The following PRCD variants were observed in gnomAD, a reference collection of about 807,000 sequenced individuals.
The protein encoded by PRCD is photoreceptor disk component PRCD.
Under a neutral mutation model 10.1 loss-of-function variants are expected in PRCD, and 12 were observed. That is an observed-to-expected ratio of 1.18 (90% confidence interval 0.76 to 1.92). PRCD has a LOEUF of 1.92. PRCD is among the 40% of genes most tolerant of loss of function. PRCD has a pLI of 0.00. For synonymous variants in PRCD, 31 were observed against 26.2 expected, an observed-to-expected ratio of 1.18 and a Z score of -0.56; for missense variants, 61 against 72.2, an observed-to-expected ratio of 0.84 and a Z score of 0.56.
rs1417215358 is a variant in PRCD, at chr17:76,530,909, T to C, written n.45+3076T>C. 38 of 1,478,048 alleles carry C rather than the reference T, an allele frequency of 2.6e-5. No individual in the cohort carries two copies. Among genetic ancestry groups the C allele is most frequent in the Non-Finnish European group, 3.4e-5 (38 of 1,104,730 alleles). 91.6% of individuals were successfully genotyped at this position (1,478,048 alleles called of 1,614,324 possible). A position where few individuals can be genotyped will look rare whatever the true frequency, so the allele number is the denominator to read the frequency against. On this transcript the variant is annotated intron_variant and non_coding_transcript_variant, in intron 1 of 4. Coordinates refer to the PRCD transcript ENST00000397633. The surrounding 1 kb of genome is among the most constrained non-coding windows in gnomAD (Gnocchi z 6.1). The stretch of plus-strand genomic sequence containing the variant: ...ATCAGCCCCAGGGCCTCAGGAGATA[T>C]GGGAGACCTCGGGGACAGCAGAGGA...
At chr17:76,542,994 G>C in intron 3 of PRCD, 35 bp from the exon 4 acceptor site, 1 of 487,874 alleles carries the variant, frequency 2.0e-6, no homozygotes, top group Non-Finnish European at 4.2e-6. Flanking sequence ...CCAGGTGTGG[G>C]AGAAGTGCTG....
downstream of PRCD, chr17:76,547,176 G>C (rs2075060502): frequency 1.3e-5 from 2 of 152,330 alleles, no homozygotes; most frequent in Non-Finnish European, 2.9e-5. Context: ...AGGTGAGGGG[G>C]AGAGGAGAGC....
At chr17:76,529,197 G>C (rs2074803798) in intron 1 of PRCD, 1 of 985,296 alleles carries the variant, frequency 1.0e-6, no homozygotes, top group African/African-American at 1.7e-5. Context: ...TCCTACCCTC[G>C]AGCCCATGGG....
At chr17:76,547,650 CACA>C (rs2075064846), downstream of PRCD, among the ~76,000 whole-genome samples, 1 of 151,378 alleles carries the variant, frequency 6.6e-6, no homozygotes, top group Non-Finnish European at 1.5e-5. Context: ...CATTCACACA[CACA>C]CACACACACA....
Position 76,542,912 on chromosome 17 carries a change from G to A in PRCD, c.*60-117G>A, listed in dbSNP as rs372370985. On this transcript the variant is annotated intron_variant, in intron 3 of 4. Transcript: ENST00000592014. ...GCGAGGTGGTCGTGCTGGGGCATGA[G>A]GGCAGTGTCGGAGGACGCCCAAGGG... is the stretch of plus-strand genomic sequence containing the variant. The A allele has an allele frequency of 1.9e-5, 11 of 577,968 alleles. 1 individual carries two copies. The highest frequency in any genetic ancestry group is 1.6e-4 in the East Asian group (4 of 25,072). 35.8% of individuals were successfully genotyped at this position (577,968 alleles called of 1,614,324 possible).
upstream of PRCD, chr17:76,537,505 C>G (rs2074932250): frequency 6.3e-7 from 1 of 1,578,824 alleles, no homozygotes; most frequent in Non-Finnish European, 8.6e-7. Context: ...GCTCCGCTCC[C>G]TGCGCTCGAT....
At chr17:76,546,471 T>TGTGTGCGC (rs753998867), downstream of PRCD, 1 of 151,082 alleles carries the variant, frequency 6.6e-6, no homozygotes, top group African/African-American at 2.5e-5. The surrounding 1 kb of genome is among the most constrained non-coding windows in gnomAD (Gnocchi z 4.5). Flanking sequence ...TGTGTGTGTG[T>TGTGTGCGC]GCGCGCAGTC....
Position 76,544,501 on chromosome 17 carries a change from T to G in PRCD, c.*851T>G. ...TGGGGTGTGTGCGAAGGCAGTTCTG[T>G]GGGAGCCTCTCAAAGTAGGGCAGGC... On this transcript the variant is annotated 3_prime_UTR_variant, in exon 5 of 5. Coordinates refer to ENST00000592014, the MANE Select transcript of PRCD (RefSeq NM_001077620.3). 2.2e-6 allele frequency: 1 copy of G among 456,204 alleles called. No homozygotes were observed. The highest frequency in any genetic ancestry group is 4.4e-6 in the Non-Finnish European group (1 of 226,980). The allele number at this position is 456,204 out of a possible 1,614,324, so 28.3% of individuals were successfully genotyped here.
Position 76,530,142 on chromosome 17 carries a change from G to GAATGTTTC in PRCD, n.45+2309_45+2310insAATGTTTC. On this transcript the variant is annotated intron_variant and non_coding_transcript_variant, in intron 1 of 4. Transcript: ENST00000397633. This position sits in a 1 kb window ranked among gnomAD's most constrained non-coding sequence, Gnocchi z 6.1. ...CCACGGGAATGTTTCTCTACCACGC[G>GAATGTTTC]TGTCCCGGGCTGCTGGCTGACCTCT... The GAATGTTTC allele has an allele frequency of 7.3e-6, 7 of 965,468 alleles. No individual in the cohort carries two copies. Among genetic ancestry groups the GAATGTTTC allele is most frequent in the Non-Finnish European group, 8.6e-6 (7 of 811,872 alleles). 59.8% of individuals were successfully genotyped at this position (965,468 alleles called of 1,614,324 possible). A position where few individuals can be genotyped will look rare whatever the true frequency, so the allele number is the denominator to read the frequency against.
In PRCD at chr17:76,540,948, C is replaced by G. The variant is rs2074985250; in HGVS notation, c.143+375C>G. On this transcript the variant is annotated intron_variant, in intron 2 of 4. Coordinates refer to ENST00000592014, the MANE Select transcript of PRCD (RefSeq NM_001077620.3). The surrounding 1 kb of genome is among the most constrained non-coding windows in gnomAD (Gnocchi z 5.0). ...CCCCCTCCTCCTCCTCTGCCCCCGC[C>G]CTGCCTCAGCTAGGCTGCCTGAGCC... Among the ~76,000 whole-genome samples the G allele has an allele frequency of 6.6e-6, 1 of 152,228 alleles. No homozygotes were observed. Among genetic ancestry groups the G allele is most frequent in the Non-Finnish European group, 1.5e-5 (1 of 68,028 alleles).
rs754575986 is a variant in PRCD, at chr17:76,544,609, G to A, written c.*959G>A. The A allele has an allele frequency of 4.4e-6, 2 of 456,642 alleles. No individual in the cohort carries two copies. Among genetic ancestry groups the A allele is most frequent in the South Asian group, 1.5e-5 (1 of 64,580 alleles). 28.3% of individuals were successfully genotyped at this position (456,642 alleles called of 1,614,324 possible). A position where few individuals can be genotyped will look rare whatever the true frequency, so the allele number is the denominator to read the frequency against. ...CCAGCCTGACCCAGGCCGTGAGCCC[G>A]TGATCGCCTGTCTCAGCTCCTGTCA... On this transcript the variant is annotated 3_prime_UTR_variant, in exon 5 of 5. Transcript: ENST00000592014.
In PRCD at chr17:76,544,951, C is replaced by CAGAGGAAGGGCGGGAAAAAG. The variant is rs1322150853; in HGVS notation, c.*1312_*1331dup. On this transcript the variant is annotated 3_prime_UTR_variant, in exon 5 of 5. Transcript: ENST00000592014. Reference sequence around the variant, plus strand: ...GTGGTGGCTGCTCCAGGGATCCATCCAGAGGAAGGGCGGGAAAAAGAGAGG... The same window carrying CAGAGGAAGGGCGGGAAAAAG: ...GTGGTGGCTGCTCCAGGGATCCATCCAGAGGAAGGGCGGGAAAAAGAGAGGAAGGGCGGGAAAAAGAGAGG... 3 of 456,550 alleles carry CAGAGGAAGGGCGGGAAAAAG rather than the reference C, an allele frequency of 6.6e-6. No homozygotes were observed. Among genetic ancestry groups the CAGAGGAAGGGCGGGAAAAAG allele is most frequent in the African/African-American group, 6.0e-5 (3 of 50,050 alleles). 28.3% of individuals were successfully genotyped at this position (456,550 alleles called of 1,614,324 possible).
downstream of PRCD, among the ~76,000 whole-genome samples, chr17:76,547,630 AAC>A (rs1202657652): frequency 1.9e-5 from 2 of 106,842 alleles, no homozygotes; most frequent in Non-Finnish European, 3.7e-5. Flanking sequence ...TCCCTATGTG[AAC>A]ACACACACAT....
chr17:76,539,242 G>C (rs1263397352), upstream of PRCD, among the ~76,000 whole-genome samples: 1 of 152,222 alleles, frequency 6.6e-6, no homozygotes, highest in Non-Finnish European at 1.5e-5. Context: ...AAGTTGGTGT[G>C]ACCAAGTGGC....
chr17:76,541,933 T>C (rs1171047246), intron 2 of PRCD, among the ~76,000 whole-genome samples: 1 of 152,212 alleles, frequency 6.6e-6, no homozygotes, highest in Non-Finnish European at 1.5e-5. Flanking sequence ...GCTCCATAAA[T>C]GCTAGCAGCT....
Position 76,544,279 on chromosome 17 carries a change from G to A in PRCD, c.*629G>A, listed in dbSNP as rs778866143. ...GGCGATGTCTCTGCCTGGCTGGCCC[G>A]TGCCCTTGACTTCCAGGCAGTAGAA... On this transcript the variant is annotated 3_prime_UTR_variant, in exon 5 of 5. Transcript: ENST00000592014. 7.7e-5 allele frequency: 35 copies of A among 454,388 alleles called. 1 individual carries two copies. Among genetic ancestry groups the A allele is most frequent in the East Asian group, 3.5e-4 (5 of 14,410 alleles). 28.1% of individuals were successfully genotyped at this position (454,388 alleles called of 1,614,324 possible).
intron 2 of PRCD, among the ~76,000 whole-genome samples, chr17:76,541,387 G>A (rs531258823): frequency 8.5e-4 from 129 of 152,324 alleles, no homozygotes; most frequent in Non-Finnish European, 1.1e-3. Context: ...GGGCGCACTG[G>A]CAGGAGGGTG....
Position 76,540,361 on chromosome 17 carries a change from A to G in PRCD, c.75-144A>G. On this transcript the variant is annotated intron_variant, in intron 1 of 4. Coordinates refer to ENST00000592014, the MANE Select transcript of PRCD (RefSeq NM_001077620.3). The surrounding 1 kb of genome is among the most constrained non-coding windows in gnomAD (Gnocchi z 5.0). Reference sequence around the variant, plus strand: ...TTTTGAGGAACCCTTGAGAGAGCACAGTCTCAGAGCAGGGGGACTTAGAGC... The same window carrying G: ...TTTTGAGGAACCCTTGAGAGAGCACGGTCTCAGAGCAGGGGGACTTAGAGC... The G allele has an allele frequency of 1.6e-6, 2 of 1,275,538 alleles. No individual in the cohort carries two copies. Among genetic ancestry groups the G allele is most frequent in the East Asian group, 2.4e-5 (1 of 41,406 alleles). The allele number at this position is 1,275,538 out of a possible 1,614,324, so 79.0% of individuals were successfully genotyped here. A position where few individuals can be genotyped will look rare whatever the true frequency, so the allele number is the denominator to read the frequency against.
chr17:76,527,868 C>T (rs1302780811), intron 1 of PRCD: 2 of 446,582 alleles, frequency 4.5e-6, no homozygotes, highest in Non-Finnish European at 9.1e-6. Flanking sequence ...AGGGGGAGCC[C>T]ACTCCTTTCT....
Sources: gnomAD v4.1 joint callset for allele counts (sites outside exome capture counted in the v4.1 genomes callset) on GRCh38, gnomAD v4.1.1 for gene constraint, Gnocchi (gnomAD v3.1) non-coding constraint, MANE v1.5 for transcripts, NCBI Gene and HGNC (gene_info 2026-07-23, HGNC 2026-07-21) for gene names.